RBL1: variants seen among roughly 807,000 people sequenced by gnomAD.
RBL1 encodes retinoblastoma-like protein 1.
A neutral mutation model predicts 123.0 loss-of-function variants in RBL1; 82 were observed. The ratio of observed to expected loss-of-function variants is 0.67; its 90% CI spans 0.56 to 0.80. RBL1 has a LOEUF of 0.80. Among genes scored for constraint, RBL1 ranks in the 30% least tolerant of loss-of-function variants. The probability of loss-of-function intolerance (pLI) is 0.00; values close to 1 mark genes in which losing one functional copy is unlikely to be tolerated. For missense variants in RBL1, 1,171 were observed against 1,299.6 expected (o/e 0.90, Z 1.52); for synonymous variants, 405 against 441.3 (o/e 0.92, Z 1.03).
Position 36,998,846 on chromosome 20 carries a change from T to C in RBL1, c.3120A>G (p.Glu1040=), listed in dbSNP as rs1305808928. The C allele has an allele frequency of 6.2e-7, 1 of 1,613,372 alleles. No individual in the cohort carries two copies. Among genetic ancestry groups the C allele is most frequent in the Non-Finnish European group, 8.5e-7 (1 of 1,179,342 alleles). The change falls in exon 22 of 22, where the codon GAA becomes GAG. Residue 1040 remains glutamate, a synonymous_variant. Transcript: ENST00000373664. ...KRVIAIDSDA[E]SPAKRVCQEN... Reference sequence around the variant, plus strand: ...CTTGACAGACGCGTTTGGCAGGGGATTCTGCATCACTATCGATGGCTATTA... The same window carrying C: ...CTTGACAGACGCGTTTGGCAGGGGACTCTGCATCACTATCGATGGCTATTA...
intron 7 of RBL1, 44 bp from the exon 8 acceptor site, chr20:37,062,314 T>C (rs374805278): frequency 3.2e-5 from 51 of 1,579,512 alleles, no homozygotes; most frequent in Non-Finnish European, 4.4e-5. Flanking sequence ...AGTTACACAA[T>C]GGATTTATTT....
intron 21 of RBL1, chr20:37,003,466 A>G: frequency 2.5e-6 from 2 of 811,120 alleles, no homozygotes; most frequent in Admixed American, 4.8e-5. Flanking sequence ...TTGCTTGAAC[A>G]GGAAAACATG....
intron 7 of RBL1, among the ~76,000 whole-genome samples, chr20:37,062,758 A>G (rs1343712775): frequency 6.6e-6 from 1 of 151,656 alleles, no homozygotes; most frequent in African/African-American, 2.4e-5. Context: ...GATCAAGACT[A>G]TCCTGGCTAA....
intron 16 of RBL1, among the ~76,000 whole-genome samples, chr20:37,030,756 GAGAA>G (rs1282630243): frequency 6.6e-6 from 1 of 151,678 alleles, no homozygotes; most frequent in Admixed American, 6.6e-5. Context: ...TCAGGAGGCT[GAGAA>G]AGGAGAATTG....
intron 15 of RBL1, among the ~76,000 whole-genome samples, chr20:37,034,168 C>T (rs915866349): frequency 6.6e-6 from 1 of 151,924 alleles, no homozygotes; most frequent in Non-Finnish European, 1.5e-5. Context: ...AACTCCTGGG[C>T]TAAAGTGATC....
chr20:37,090,108 T>G (rs1312780659), intron 1 of RBL1, among the ~76,000 whole-genome samples: 1 of 152,200 alleles, frequency 6.6e-6, no homozygotes, highest in African/African-American at 2.4e-5. Context: ...ATTTAAAAAA[T>G]TATAATTTAC....
intron 21 of RBL1, among the ~76,000 whole-genome samples, chr20:37,001,209 A>G (rs2063974003): frequency 6.6e-6 from 1 of 150,560 alleles, no homozygotes; most frequent in South Asian, 2.1e-4. Context: ...GGCCGCCCCT[A>G]CTGGGAAGTG....
Position 37,066,744 on chromosome 20 carries a change from A to C in RBL1, c.826T>G (p.Ser276Ala). The change falls in exon 6 of 22, where the codon TCA becomes GCA. Residue 276 changes from serine to alanine, a missense_variant. Coordinates refer to ENST00000373664, the MANE Select transcript of RBL1 (RefSeq NM_002895.5). ...IKEHYFKPYI[S>A]KLFDRKILKG... ...AGTACCTTCCTGTCAAAGAGTTTTG[A>C]AATATATGGCTTAAAGTAGTGCTCC... The C allele has an allele frequency of 1.9e-6, 3 of 1,613,354 alleles. No homozygotes were observed. The highest frequency in any genetic ancestry group is 2.5e-6 in the Non-Finnish European group (3 of 1,179,396).
chr20:37,062,695 C>T (rs574149696), intron 7 of RBL1, among the ~76,000 whole-genome samples: 16 of 149,698 alleles, frequency 1.1e-4, no homozygotes, highest in African/African-American at 3.9e-4. Flanking sequence ...GTGGCTCACG[C>T]CTGTAATCCC....
chr20:37,014,838 G>A (rs1252330467), intron 19 of RBL1, among the ~76,000 whole-genome samples: 1 of 152,094 alleles, frequency 6.6e-6, no homozygotes, highest in Non-Finnish European at 1.5e-5. Flanking sequence ...CAAGGCGGGT[G>A]GAATACCTGA....
intron 16 of RBL1, among the ~76,000 whole-genome samples, chr20:37,031,462 C>T (rs570517319): frequency 2.5e-4 from 38 of 152,218 alleles, no homozygotes; most frequent in African/African-American, 7.5e-4. Context: ...TATTACTAAT[C>T]ATTAGGGAAA....
At chr20:37,056,499 C>T (rs552619888) in intron 9 of RBL1, among the ~76,000 whole-genome samples, 23 of 151,930 alleles carry the variant, frequency 1.5e-4, no homozygotes, top group South Asian at 4.2e-4. Flanking sequence ...GGATTATAGG[C>T]GCGCACTACC....
intron 16 of RBL1, among the ~76,000 whole-genome samples, chr20:37,031,907 T>C (rs1225919775): frequency 9.6e-6 from 1 of 104,290 alleles, no homozygotes; most frequent in Non-Finnish European, 2.1e-5. Flanking sequence ...CCTGGCTGCT[T>C]TTTTTTTTTT....
At chr20:37,071,250 T>A (rs570759013) in intron 2 of RBL1, among the ~76,000 whole-genome samples, 1 of 152,320 alleles carries the variant, frequency 6.6e-6, no homozygotes, top group Admixed American at 6.5e-5. Context: ...CCATTTCGCC[T>A]GGCCAATACT....
In RBL1 at chr20:37,020,331, CA is replaced by C. The variant is rs772522442; in HGVS notation, c.2631+327del. Reference sequence around the variant, plus strand: ...CTCGAACTCCTGACCTCAGGTAATCCACCTGCCTCCACCTCCCAAAGTGCTG... The same window carrying C: ...CTCGAACTCCTGACCTCAGGTAATCCCCTGCCTCCACCTCCCAAAGTGCTG... On this transcript the variant is annotated intron_variant, in intron 18 of 21. Transcript: ENST00000373664. Among the ~76,000 whole-genome samples the C allele has an allele frequency of 2.6e-5, 4 of 152,122 alleles. No homozygotes were observed. In the East Asian group the frequency reaches 5.8e-4, roughly 22 times the overall value.
In RBL1 at chr20:37,005,381, T is replaced by A. The variant is rs191814782; in HGVS notation, c.2872-1515A>T. On this transcript the variant is annotated intron_variant, in intron 20 of 21. Transcript: ENST00000373664. ...AGATTGTGCCACTTGCACTCCAGCC[T>A]GGGCAACAGAGCGAGACTCCTTCTC... is the stretch of plus-strand genomic sequence containing the variant. Among the ~76,000 whole-genome samples the A allele has an allele frequency of 2.8e-3, 411 of 146,800 alleles. 2 individuals carry two copies. Among genetic ancestry groups the A allele is most frequent in the African/African-American group, 9.8e-3 (388 of 39,394 alleles).
rs1568853155 is a variant in RBL1, at chr20:37,045,085, T to TTAC, written c.1606-836_1606-835insGTA. Among the ~76,000 whole-genome samples, 666 of 72,686 alleles carry TTAC rather than the reference T, an allele frequency of 9.2e-3. 2 individuals are homozygous for TTAC. Among genetic ancestry groups the TTAC allele is most frequent in the Middle Eastern group, 0.044 (5 of 114 alleles). The allele number at this position is 72,686 out of a possible 152,430, so 47.7% of individuals were successfully genotyped here. A position where few individuals can be genotyped will look rare whatever the true frequency, so the allele number is the denominator to read the frequency against. On this transcript the variant is annotated intron_variant, in intron 12 of 21. Transcript: ENST00000373664. Reference sequence around the variant, plus strand: ...TTTAATATTCACATTTATTTACTTATTTATTTATTTATTTATTTATTTATT... The same window carrying TTAC: ...TTTAATATTCACATTTATTTACTTATTACTTATTTATTTATTTATTTATTTATT...
intron 2 of RBL1, among the ~76,000 whole-genome samples, chr20:37,080,397 T>A (rs915711987): frequency 9.9e-5 from 15 of 151,934 alleles, no homozygotes; most frequent in Admixed American, 3.9e-4. Flanking sequence ...CCTCAAGTGA[T>A]CTGCCCATCT....
At chr20:37,030,492 G>A (rs2064490121) in intron 16 of RBL1, among the ~76,000 whole-genome samples, 1 of 152,098 alleles carries the variant, frequency 6.6e-6, no homozygotes, top group African/African-American at 2.4e-5. Flanking sequence ...GGCTGAGGTG[G>A]GCAGATCACT....
Sources: allele counts gnomAD v4.1 joint callset (sites outside exome capture counted in the v4.1 genomes callset), GRCh38; gene constraint gnomAD v4.1.1; transcripts MANE v1.5; gene names NCBI Gene and HGNC (gene_info 2026-07-23, HGNC 2026-07-21).